NAB1: variants seen among roughly 807,000 people sequenced by gnomAD.
NAB1 encodes NGFI-A binding protein 1.
Under a neutral mutation model 49.9 loss-of-function variants are expected in NAB1, and 25 were observed. The ratio of observed to expected loss-of-function variants is 0.50; its 90% CI spans 0.37 to 0.70. The LOEUF (loss-of-function observed/expected upper bound fraction) is 0.70. Ranked by LOEUF, NAB1 falls within the 30% of genes least tolerant of loss-of-function variation. The pLI, the probability that NAB1 is intolerant of heterozygous loss-of-function variation, is 0.00. For synonymous variants in NAB1, 198 were observed against 215.6 expected (o/e 0.92, Z 0.71); for missense variants, 489 against 575.9 (o/e 0.85, Z 1.54).
Position 190,666,879 on chromosome 2 carries a change from T to C in NAB1, c.820-3447T>C, listed in dbSNP as rs1190649134. On this transcript the variant is annotated intron_variant, in intron 4 of 9. Coordinates refer to ENST00000337386, the MANE Select transcript of NAB1 (RefSeq NM_005966.4). This position sits in a 1 kb window ranked among gnomAD's most constrained non-coding sequence, Gnocchi z 5.6. ...GGCATTCAGAAAAAGCTAACAGTGC[T>C]GCTGCAAGTGACGGGAATATTTTCA... is the stretch of plus-strand genomic sequence containing the variant. 1.3e-5 allele frequency among the ~76,000 whole-genome samples: 2 copies of C among 152,244 alleles called. No homozygotes were observed. Among genetic ancestry groups the C allele is most frequent in the Non-Finnish European group, 2.9e-5 (2 of 68,044 alleles).
rs1457551041 is a variant in NAB1 at position 190,657,760 on chromosome 2, G to T, written c.-19-1398G>T. On this transcript the variant is annotated intron_variant, in intron 3 of 9. Coordinates refer to ENST00000337386, the MANE Select transcript of NAB1 (RefSeq NM_005966.4). This position sits in a 1 kb window ranked among gnomAD's most constrained non-coding sequence, Gnocchi z 4.4. Reference sequence around the variant, plus strand: ...TTGGAGTGACTGAGACTAGAATTTTGTGTAGCATTCTGATTGGTGGCATAA... The same window carrying T: ...TTGGAGTGACTGAGACTAGAATTTTTTGTAGCATTCTGATTGGTGGCATAA... Among the ~76,000 whole-genome samples the T allele has an allele frequency of 6.6e-6, 1 of 152,186 alleles. No individual in the cohort carries two copies. The highest frequency in any genetic ancestry group is 6.5e-5 in the Admixed American group (1 of 15,278).
At chr2:190,687,620 G>T (rs574362711) in intron 9 of NAB1, among the ~76,000 whole-genome samples, 18 of 152,178 alleles carry the variant, frequency 1.2e-4, no homozygotes, top group African/African-American at 4.3e-4. Flanking sequence ...AGCACTTCCT[G>T]GTCCCAGGCA....
In NAB1 at chr2:190,659,662, A is replaced by G. The variant is rs1364352923; in HGVS notation, c.486A>G (p.Gln162=). Residue 162 remains glutamine, a synonymous_variant, in exon 4 of 10, where the codon CAA becomes CAG. Coordinates refer to ENST00000337386, the MANE Select transcript of NAB1 (RefSeq NM_005966.4). The surrounding 1 kb of genome is among the most constrained non-coding windows in gnomAD (Gnocchi z 6.2). ...LQSVGESRLW[Q]GHHATESEHS... Reference sequence around the variant, plus strand: ...GTGTTGGTGAGTCCAGACTCTGGCAAGGCCACCATGCCACTGAGAGCGAGC... The same window carrying G: ...GTGTTGGTGAGTCCAGACTCTGGCAGGGCCACCATGCCACTGAGAGCGAGC... 1.2e-6 allele frequency: 2 copies of G among 1,613,860 alleles called. No homozygotes were observed. Among genetic ancestry groups the G allele is most frequent in the Non-Finnish European group, 1.7e-6 (2 of 1,180,006 alleles).
chr2:190,665,057 C>T (rs563974220), intron 4 of NAB1, among the ~76,000 whole-genome samples: 87 of 152,240 alleles, frequency 5.7e-4, no homozygotes, highest in African/African-American at 1.5e-3. Flanking sequence ...CTGTCCTTCC[C>T]TACCTACTGG....
chr2:190,660,718 G>A (rs545276519), intron 4 of NAB1, among the ~76,000 whole-genome samples: 2 of 152,214 alleles, frequency 1.3e-5, no homozygotes, highest in East Asian at 3.9e-4. Context: ...CAAGTAGAAT[G>A]ACCGTTCCTT....
chr2:190,657,998 G>A lies in NAB1; in HGVS notation c.-19-1160G>A, dbSNP rs1380203348. Among the ~76,000 whole-genome samples, 1 of 152,150 alleles carries A rather than the reference G, an allele frequency of 6.6e-6. No homozygotes were observed. The highest frequency in any genetic ancestry group is 2.4e-5 in the African/African-American group (1 of 41,436). ...ACAAGTTTATTTGTTTCTCTTAAAT[G>A]GAAGTACTTGGCCAACTCCTCTTTG... On this transcript the variant is annotated intron_variant, in intron 3 of 9. Coordinates refer to ENST00000337386, the MANE Select transcript of NAB1 (RefSeq NM_005966.4). The surrounding 1 kb of genome is among the most constrained non-coding windows in gnomAD (Gnocchi z 4.4).
In NAB1 at chr2:190,692,004, A is replaced by G. The variant is rs1285361026; in HGVS notation, c.*1671A>G. 1 of 152,610 alleles carries G rather than the reference A, an allele frequency of 6.6e-6. No homozygotes were observed. Among genetic ancestry groups the G allele is most frequent in the Non-Finnish European group, 1.5e-5 (1 of 68,016 alleles). The allele number at this position is 152,610 out of a possible 1,614,324, so 9.5% of individuals were successfully genotyped here. On this transcript the variant is annotated 3_prime_UTR_variant, in exon 10 of 10. Coordinates refer to ENST00000337386, the MANE Select transcript of NAB1 (RefSeq NM_005966.4). The surrounding 1 kb of genome is among the most constrained non-coding windows in gnomAD (Gnocchi z 5.2). ...CTTTTTTCCCCTTCCTAAATGTTTT[A>G]ATTGTACCATAGTGTTTTGCTCACT...
rs1694997870 is a variant in NAB1 at position 190,674,897 on chromosome 2, AG to A, written c.1005+1746del. 6.6e-6 allele frequency among the ~76,000 whole-genome samples: 1 copy of A among 152,226 alleles called. No homozygotes were observed. Among genetic ancestry groups the A allele is most frequent in the Non-Finnish European group, 1.5e-5 (1 of 68,038 alleles). On this transcript the variant is annotated intron_variant, in intron 6 of 9. Transcript: ENST00000337386. This position sits in a 1 kb window ranked among gnomAD's most constrained non-coding sequence, Gnocchi z 5.7. Reference sequence around the variant, plus strand: ...GAGACCCTGTCTCTACCCCCAAAAAAGTACTTATATTTGTAACCTACCTCAC... The same window carrying A: ...GAGACCCTGTCTCTACCCCCAAAAAATACTTATATTTGTAACCTACCTCAC...
At position 190,676,614 on chromosome 2, in the gene NAB1, G is replaced by A. The variant is rs1383545714; in HGVS notation, c.1005+3462G>A. Among the ~76,000 whole-genome samples the A allele has an allele frequency of 6.6e-6, 1 of 152,132 alleles. No individual in the cohort carries two copies. Among genetic ancestry groups the A allele is most frequent in the Non-Finnish European group, 1.5e-5 (1 of 68,012 alleles). On this transcript the variant is annotated intron_variant, in intron 6 of 9. Coordinates refer to ENST00000337386, the MANE Select transcript of NAB1 (RefSeq NM_005966.4). The surrounding 1 kb of genome is among the most constrained non-coding windows in gnomAD (Gnocchi z 4.6). ...ATGTGCCTGTAGTCCCAGCTAATCA[G>A]GAGGCTGAGGTGGGAGAATCACTGC...
chr2:190,659,816 G>T lies in NAB1; in HGVS notation c.640G>T (p.Asp214Tyr). The T allele has an allele frequency of 6.2e-7, 1 of 1,614,218 alleles. No individual in the cohort carries two copies. The highest frequency in any genetic ancestry group is 8.5e-7 in the Non-Finnish European group (1 of 1,180,028). Residue 214 changes from aspartate to tyrosine, a missense_variant, in exon 4 of 10, where the codon GAC becomes TAC. By Grantham distance (160) the Asp-to-Tyr change is radical (BLOSUM62 -3). Coordinates refer to ENST00000337386, the MANE Select transcript of NAB1 (RefSeq NM_005966.4). The surrounding 1 kb of genome is among the most constrained non-coding windows in gnomAD (Gnocchi z 6.2). ...ERMAPTLPKSDLNEVKELLKT... is the reference protein window; with the variant it reads ...ERMAPTLPKSYLNEVKELLKT... ...GATGGCCCCCACACTGCCAAAAAGT[G>T]ACTTGAATGAAGTGAAAGAGCTGCT...
Position 190,653,207 on chromosome 2 carries a change from G to A in NAB1, c.-196-2770G>A, listed in dbSNP as rs1574412656. On this transcript the variant is annotated intron_variant, in intron 2 of 9. Coordinates refer to ENST00000337386, the MANE Select transcript of NAB1 (RefSeq NM_005966.4). ...CTTCAAGCTATACTCTCCTGAACTT[G>A]GAATACTTCAGAGGCTCTAAGTGTA... is the stretch of plus-strand genomic sequence containing the variant. 3.3e-5 allele frequency among the ~76,000 whole-genome samples: 5 copies of A among 152,172 alleles called. 1 individual carries two copies. Among genetic ancestry groups the A allele is most frequent in the Admixed American group, 3.3e-4 (5 of 15,286 alleles).
chr2:190,649,006 AG>A (rs1415239731), upstream of NAB1: 2 of 69,614 alleles, frequency 2.9e-5, no homozygotes, highest in East Asian at 8.9e-4. This position sits in a 1 kb window ranked among gnomAD's most constrained non-coding sequence, Gnocchi z 6.1. Context: ...CGGGCGGGGG[AG>A]GGGGAGGAGG....
rs1430851399 is a variant in NAB1, at chr2:190,649,368, C to T, written c.-334+8C>T. On this transcript the variant is annotated splice_region_variant and intron_variant, in intron 1 of 9. Transcript: ENST00000337386. This position sits in a 1 kb window ranked among gnomAD's most constrained non-coding sequence, Gnocchi z 6.1. Reference sequence around the variant, plus strand: ...GCTGCAGCCGCTGGCTGAGTACGTACCGGAGCGGACGGTCGCCACTCCCGG... The same window carrying T: ...GCTGCAGCCGCTGGCTGAGTACGTATCGGAGCGGACGGTCGCCACTCCCGG... The T allele has an allele frequency of 6.6e-6, 1 of 152,192 alleles. No individual in the cohort carries two copies. Among genetic ancestry groups the T allele is most frequent in the Non-Finnish European group, 1.5e-5 (1 of 68,094 alleles). 9.4% of individuals were successfully genotyped at this position (152,192 alleles called of 1,614,324 possible). A position where few individuals can be genotyped will look rare whatever the true frequency, so the allele number is the denominator to read the frequency against.
rs567395407 is a variant in NAB1 at position 190,683,986 on chromosome 2, A to G, written c.1095+159A>G. Among the ~76,000 whole-genome samples, 214 of 152,294 alleles carry G rather than the reference A, an allele frequency of 1.4e-3. 1 individual carries two copies. The highest frequency in any genetic ancestry group is 4.9e-3 in the African/African-American group (202 of 41,558). Reference sequence around the variant, plus strand: ...TGAGCCACAGCTGTATCAACATGAGAGCAATAACAACTTGGTTTGATTCAG... The same window carrying G: ...TGAGCCACAGCTGTATCAACATGAGGGCAATAACAACTTGGTTTGATTCAG... On this transcript the variant is annotated intron_variant, in intron 7 of 9. Coordinates refer to ENST00000337386, the MANE Select transcript of NAB1 (RefSeq NM_005966.4).
intron 3 of NAB1, among the ~76,000 whole-genome samples, chr2:190,658,537 T>G (rs950552278): frequency 6.6e-6 from 1 of 152,226 alleles, no homozygotes; most frequent in African/African-American, 2.4e-5. Context: ...CCAAGTCTTG[T>G]CAGTTACTTG....
chr2:190,682,926 T>C lies in NAB1; in HGVS notation c.1006-812T>C, dbSNP rs1695419729. 6.6e-6 allele frequency among the ~76,000 whole-genome samples: 1 copy of C among 152,192 alleles called. No homozygotes were observed. Among genetic ancestry groups the C allele is most frequent in the South Asian group, 2.1e-4 (1 of 4,836 alleles). ...ATATCATCTCTGCAGTAATTCTGCT[T>C]CTGGGAATCTTTTGTAGTAGATAAT... On this transcript the variant is annotated intron_variant, in intron 6 of 9. Transcript: ENST00000337386. The surrounding 1 kb of genome is among the most constrained non-coding windows in gnomAD (Gnocchi z 4.1).
At chr2:190,664,637 G>C (rs1694416093) in intron 4 of NAB1, among the ~76,000 whole-genome samples, 1 of 94,966 alleles carries the variant, frequency 1.1e-5, no homozygotes, top group South Asian at 3.8e-4. Context: ...TTTCCACGTT[G>C]CCCAGGCTGG....
rs1553548974 is a variant in NAB1, at chr2:190,664,614, T to TTTTG, written c.819+4619_819+4620insTTTG. Among the ~76,000 whole-genome samples, 27 of 111,870 alleles carry TTTTG rather than the reference T, an allele frequency of 2.4e-4. 1 individual carries two copies. The highest frequency in any genetic ancestry group is 6.7e-4 in the Admixed American group (7 of 10,410). The allele number at this position is 111,870 out of a possible 152,430, so 73.4% of individuals were successfully genotyped here. On this transcript the variant is annotated intron_variant, in intron 4 of 9. Transcript: ENST00000337386. ...TTTTTTTTTTTTTTTTTTTTTTTTT[T>TTTTG]GTAGGGACAGGGTTTCCACGTTGCC...
rs956838839 is a variant in NAB1 at position 190,678,046 on chromosome 2, A to G, written c.1005+4894A>G. Among the ~76,000 whole-genome samples, 58 of 152,376 alleles carry G rather than the reference A, an allele frequency of 3.8e-4. No homozygotes were observed. The highest frequency in any genetic ancestry group is 1.3e-3 in the African/African-American group (56 of 41,590). Reference sequence around the variant, plus strand: ...CAAGTTTTGAGTAGAAAATTTAACAATGTAAATTACAAAATATTTAAATAT... The same window carrying G: ...CAAGTTTTGAGTAGAAAATTTAACAGTGTAAATTACAAAATATTTAAATAT... On this transcript the variant is annotated intron_variant, in intron 6 of 9. Transcript: ENST00000337386. The surrounding 1 kb of genome is among the most constrained non-coding windows in gnomAD (Gnocchi z 4.9).
Sources: gnomAD v4.1 joint callset for allele counts (sites outside exome capture counted in the v4.1 genomes callset) on GRCh38, gnomAD v4.1.1 for gene constraint, Gnocchi (gnomAD v3.1) non-coding constraint, MANE v1.5 for transcripts, NCBI Gene and HGNC (gene_info 2026-07-23, HGNC 2026-07-21) for gene names.